Variants in KIF21B observed in about 807,000 individuals in gnomAD.
KIF21B encodes the protein kinesin family member 21B.
A neutral mutation model predicts 192.9 loss-of-function variants in KIF21B; 85 were observed. The ratio of observed to expected loss-of-function variants is 0.44; its 90% CI spans 0.37 to 0.53. The LOEUF (loss-of-function observed/expected upper bound fraction) is 0.53. Among genes scored for constraint, KIF21B ranks in the 20% least tolerant of loss-of-function variants. The probability of loss-of-function intolerance (pLI) is 0.00; values close to 1 mark genes in which losing one functional copy is unlikely to be tolerated. For synonymous variants in KIF21B, 832 were observed against 884.6 expected (o/e 0.94, Z 1.05); for missense variants, 1,716 against 2,194.8 (o/e 0.78, Z 4.36).
At chr1:201,003,423 C>A in intron 8 of KIF21B, 163 bp downstream of exon 8, 1 of 694,674 alleles carries the variant, frequency 1.4e-6, no homozygotes, top group South Asian at 1.7e-5. Context: ...AAGCAGCATG[C>A]CTGGCACACA....
Position 200,988,750 on chromosome 1 carries a change from C to T in KIF21B, c.3298+16G>A. ...ATGCCAAGGAGCTGGCAGCTTCCAA[C>T]CGCCCCTACCCGTACCCTGCTGCAC... On this transcript the variant is annotated intron_variant, in intron 22 of 34. Transcript: ENST00000461742. The T allele has an allele frequency of 6.3e-7, 1 of 1,591,928 alleles. No homozygotes were observed. The highest frequency in any genetic ancestry group is 8.6e-7 in the Non-Finnish European group (1 of 1,166,238).
In KIF21B at chr1:201,007,371, CAGAG is replaced by C. The variant is rs141059463; in HGVS notation, c.447+1394_447+1397del. ...AGACACATAGACACACACACACACA[CAGAG>C]ACAGAGACACACAGACACACACACG... On this transcript the variant is annotated intron_variant, in intron 3 of 34. Transcript: ENST00000461742. Among the ~76,000 whole-genome samples, 278 of 61,916 alleles carry C rather than the reference CAGAG, an allele frequency of 4.5e-3. 9 individuals carry two copies. Among genetic ancestry groups the C allele is most frequent in the African/African-American group, 0.013 (108 of 8,584 alleles). 40.6% of individuals were successfully genotyped at this position (61,916 alleles called of 152,430 possible).
intron 15 of KIF21B, among the ~76,000 whole-genome samples, chr1:200,994,407 G>GC (rs35008389): frequency 0.21 from 31,929 of 152,204 alleles, 3,820 homozygotes; most frequent in Non-Finnish European, 0.28. Context: ...CTCGGCTGCT[G>GC]CACCTTCTGT....
In KIF21B at chr1:201,005,572, A is replaced by C. The variant is rs1041225080; in HGVS notation, c.570T>G (p.Thr190=). Residue 190 remains threonine (T), a synonymous_variant, in exon 4 of 35, where the codon ACT becomes ACG. Transcript: ENST00000461742. ...CCTCCTGGGAGTGGATGAGGCGAGA[A>C]GTGACGCCAGTGGTGTAGATGCCAC... ...ANGGIYTTGV[T]SRLIHSQEEL... is the part of the protein sequence containing the mutation. 3 of 1,614,010 alleles carry C rather than the reference A, an allele frequency of 1.9e-6. No homozygotes were observed. The highest frequency in any genetic ancestry group is 2.5e-6 in the Non-Finnish European group (3 of 1,179,992).
rs573102485 is a variant in KIF21B, at chr1:200,998,172, A to T, written c.2077+212T>A. On this transcript the variant is annotated intron_variant, in intron 14 of 34. Transcript: ENST00000461742. This position sits in a 1 kb window ranked among gnomAD's most constrained non-coding sequence, Gnocchi z 4.3. ...GAATTCTAATACATGACGTGATAGC[A>T]AAGAAAAAAAATCAATTTACAATGT... is the stretch of plus-strand genomic sequence containing the variant. Among the ~76,000 whole-genome samples the T allele has an allele frequency of 6.6e-6, 1 of 152,356 alleles. No homozygotes were observed. Among genetic ancestry groups the T allele is most frequent in the Admixed American group, 6.5e-5 (1 of 15,306 alleles).
chr1:201,009,464 CTCCT>C lies in KIF21B; in HGVS notation c.62_65del (p.Lys21ArgfsTer47). ...TACAGATGTGACAGCCCTCAATCTT[CTCCT>C]TCGACAGCTGGGGCCGGATCCTGCC... On this transcript the variant is annotated frameshift_variant, in exon 2 of 35. Coordinates refer to ENST00000461742, the MANE Select transcript of KIF21B (RefSeq NM_001252102.2). LOFTEE classifies it high-confidence loss of function. 6.2e-7 allele frequency: 1 copy of C among 1,614,182 alleles called. No homozygotes were observed. Among genetic ancestry groups the C allele is most frequent in the Non-Finnish European group, 8.5e-7 (1 of 1,180,018 alleles).
intron 14 of KIF21B, among the ~76,000 whole-genome samples, chr1:200,997,046 C>T (rs371777962): frequency 7.9e-5 from 12 of 152,182 alleles, no homozygotes; most frequent in East Asian, 3.8e-4. Flanking sequence ...TCTGACTTCT[C>T]ACCACCTCCT....
At chr1:201,008,073 C>A (rs1658017727) in intron 3 of KIF21B, among the ~76,000 whole-genome samples, 1 of 152,168 alleles carries the variant, frequency 6.6e-6, no homozygotes, top group African/African-American at 2.4e-5. Flanking sequence ...CACATGCTTC[C>A]CTCAGAAGGC....
intron 1 of KIF21B, among the ~76,000 whole-genome samples, chr1:201,020,329 C>A (rs1370683107): frequency 1.3e-5 from 2 of 152,190 alleles, no homozygotes; most frequent in East Asian, 3.8e-4. Context: ...TTTGTCAGGC[C>A]TATATCTCTG....
intron 15 of KIF21B, among the ~76,000 whole-genome samples, chr1:200,993,707 G>A (rs780710012): frequency 2.7e-5 from 4 of 150,286 alleles, no homozygotes; most frequent in Non-Finnish European, 5.9e-5. Flanking sequence ...CTGTGTTAGC[G>A]CCACTGCACT....
At chr1:200,977,979 C>T (rs542316130) in intron 30 of KIF21B, among the ~76,000 whole-genome samples, 5 of 151,974 alleles carry the variant, frequency 3.3e-5, no homozygotes, top group Admixed American at 6.6e-5. Context: ...GGTGATTTGC[C>T]TGCCTCAGCC....
chr1:200,976,702 TC>T (rs1383152165), intron 32 of KIF21B, 73 bp downstream of exon 32: 7 of 929,074 alleles, frequency 7.5e-6, no homozygotes, highest in Non-Finnish European at 9.9e-6. Flanking sequence ...TCATGGGTAC[TC>T]CCAGGGCAAC....
At chr1:201,007,075 G>C (rs201983917) in intron 3 of KIF21B, among the ~76,000 whole-genome samples, 23 of 95,946 alleles carry the variant, frequency 2.4e-4, no homozygotes, top group Admixed American at 3.4e-4. Flanking sequence ...GACACACACA[G>C]ACACACACAC....
chr1:200,986,775 A>G (rs1389200488), intron 26 of KIF21B, 69 bp downstream of exon 26: 1 of 1,316,128 alleles, frequency 7.6e-7, no homozygotes, highest in African/African-American at 1.5e-5. Flanking sequence ...GCAGAACATC[A>G]TAGCCACTCA....
intron 22 of KIF21B, 98 bp downstream of exon 22, chr1:200,988,667 TA>T (rs745420091): frequency 5.4e-5 from 81 of 1,492,770 alleles, no homozygotes; most frequent in Non-Finnish European, 6.9e-5. Flanking sequence ...TGGTGGGGGT[TA>T]GGGGTGGTTC....
intron 1 of KIF21B, among the ~76,000 whole-genome samples, chr1:201,011,542 C>G (rs1315137254): frequency 6.6e-6 from 1 of 152,238 alleles, no homozygotes; most frequent in Non-Finnish European, 1.5e-5. Context: ...GGGGAAAGAA[C>G]ATCTCATATA....
chr1:200,974,972 C>A, intron 33 of KIF21B, 59 bp from the exon 34 acceptor site: 1 of 1,547,936 alleles, frequency 6.5e-7, no homozygotes, highest in Non-Finnish European at 8.8e-7. Flanking sequence ...AGAACCTGCC[C>A]CAGGGCCCCT....
chr1:201,009,117 T>C (rs1042459346), intron 2 of KIF21B, 149 bp downstream of exon 2: 29 of 1,100,104 alleles, frequency 2.6e-5, no homozygotes, highest in Non-Finnish European at 3.1e-5. Context: ...CAGCCCTCCC[T>C]CTGCTAACCA....
At chr1:200,980,638 C>A (rs1348989021) in intron 29 of KIF21B, among the ~76,000 whole-genome samples, 2 of 152,150 alleles carry the variant, frequency 1.3e-5, no homozygotes, top group African/African-American at 2.4e-5. Context: ...ATAGGGAGTG[C>A]CTAGATGTAT....
Sources: allele counts gnomAD v4.1 joint callset (sites outside exome capture counted in the v4.1 genomes callset), GRCh38; gene constraint gnomAD v4.1.1; non-coding constraint Gnocchi (gnomAD v3.1); transcripts MANE v1.5; gene names NCBI Gene and HGNC (gene_info 2026-07-23, HGNC 2026-07-21).